The following NELL1 variants were observed in gnomAD, a reference collection of about 807,000 sequenced individuals.
NELL1 encodes neural EGFL like 1, also known as protein kinase C-binding protein NELL1.
In NELL1, 76 loss-of-function variants were observed where a neutral mutation model predicts 107.4. The observed-to-expected ratio is 0.71, with a 90% CI of 0.59 to 0.86. The LOEUF is 0.86. Among genes scored for constraint, NELL1 ranks in the 40% least tolerant of loss-of-function variants. The probability of loss-of-function intolerance (pLI) is 0.00; values close to 1 mark genes in which losing one functional copy is unlikely to be tolerated. For missense variants in NELL1, 1,024 were observed against 1,005.5 expected (o/e 1.02, Z -0.25); for synonymous variants, 353 against 341.2 (o/e 1.03, Z -0.38).
intron 5 of NELL1, among the ~76,000 whole-genome samples, chr11:20,902,081 C>T (rs1590397551): frequency 6.6e-6 from 1 of 152,082 alleles, no homozygotes; most frequent in East Asian, 1.9e-4. Flanking sequence ...AACATAAGAA[C>T]ATATCTTCAC....
chr11:20,950,457 A>G (rs936149499), intron 11 of NELL1, among the ~76,000 whole-genome samples: 1 of 152,084 alleles, frequency 6.6e-6, no homozygotes, highest in Admixed American at 6.6e-5. Context: ...ATCTCTCACA[A>G]TTTTGTGAGA....
chr11:21,296,034 A>G (rs1207334537), intron 14 of NELL1, among the ~76,000 whole-genome samples: 1 of 152,094 alleles, frequency 6.6e-6, no homozygotes, highest in East Asian at 1.9e-4. Context: ...TAGTGCATAC[A>G]CAATAGATGT....
chr11:21,113,525 A>G, intron 12 of NELL1, 64 bp from the exon 13 acceptor site: 1 of 1,490,922 alleles, frequency 6.7e-7, no homozygotes, highest in Non-Finnish European at 9.2e-7. Context: ...TTTATCTGCA[A>G]AATGATTACA....
chr11:21,573,237 A>G lies in NELL1; in HGVS notation c.2210A>G (p.Tyr737Cys). Residue 737 changes from tyrosine (Y) to cysteine (C), a missense_variant, in exon 19 of 20, where the codon TAT becomes TGT. By Grantham distance (194) the Tyr-to-Cys change is radical (BLOSUM62 -2). Coordinates refer to ENST00000357134, the MANE Select transcript of NELL1 (RefSeq NM_006157.5). ...PLTCPNLSCEYTAILEGECCP... is the reference protein window; with the variant it reads ...PLTCPNLSCECTAILEGECCP... ...ACTTGCCCCAACTTGAGCTGTGAGT[A>G]TACAGCTATCTTAGAAGGGGAATGT... 6.2e-7 allele frequency: 1 copy of G among 1,612,404 alleles called. No individual in the cohort carries two copies.
chr11:21,510,024 C>T (rs570389534), intron 15 of NELL1, among the ~76,000 whole-genome samples: 5 of 152,242 alleles, frequency 3.3e-5, no homozygotes, highest in African/African-American at 1.2e-4. Context: ...TGATAACCCA[C>T]GAACTGAAAA....
intron 15 of NELL1, among the ~76,000 whole-genome samples, chr11:21,519,714 G>T (rs74735956): frequency 6.6e-6 from 1 of 151,948 alleles, no homozygotes; most frequent in Non-Finnish European, 1.5e-5. Flanking sequence ...ATGTACAGCC[G>T]CTACCACTCT....
At chr11:21,169,916 T>C (rs1252731127) in intron 13 of NELL1, 24 of 1,461,734 alleles carry the variant, frequency 1.6e-5, no homozygotes, top group Non-Finnish European at 6.7e-6. Flanking sequence ...CACCGATGCC[T>C]TTTATGGCAG....
intron 5 of NELL1, among the ~76,000 whole-genome samples, chr11:20,917,304 A>G (rs1162079619): frequency 6.6e-6 from 1 of 151,910 alleles, no homozygotes; most frequent in Admixed American, 6.6e-5. Flanking sequence ...TTCTATTAAT[A>G]TTTCCAATTA....
intron 2 of NELL1, among the ~76,000 whole-genome samples, chr11:20,747,935 G>C (rs1590256242): frequency 6.6e-6 from 1 of 152,190 alleles, no homozygotes; most frequent in Admixed American, 6.5e-5. Flanking sequence ...TGAAGGAAAA[G>C]CTGGCTGGGG....
chr11:21,484,093 G>T (rs1854566923), intron 15 of NELL1, among the ~76,000 whole-genome samples: 1 of 144,942 alleles, frequency 6.9e-6, no homozygotes, highest in African/African-American at 2.5e-5. Context: ...AATAGTGGTT[G>T]TCTTGAGTAG....
chr11:21,492,367 C>G (rs1041957959), intron 15 of NELL1, among the ~76,000 whole-genome samples: 1 of 152,050 alleles, frequency 6.6e-6, no homozygotes, highest in Admixed American at 6.6e-5. Flanking sequence ...ACTAGAAATA[C>G]CATTTGACCC....
At chr11:20,705,072 A>G (rs1365754564) in intron 2 of NELL1, among the ~76,000 whole-genome samples, 1 of 152,228 alleles carries the variant, frequency 6.6e-6, no homozygotes, top group Non-Finnish European at 1.5e-5. Context: ...AATATCGTGA[A>G]AATGGCCATA....
intron 9 of NELL1, among the ~76,000 whole-genome samples, chr11:20,932,865 A>G (rs144653888): frequency 4.6e-5 from 7 of 152,354 alleles, no homozygotes; most frequent in South Asian, 2.1e-4. Flanking sequence ...TGGAAGACAC[A>G]GAAGTCACAC....
At chr11:21,506,864 A>G (rs1258765947) in intron 15 of NELL1, among the ~76,000 whole-genome samples, 1 of 152,182 alleles carries the variant, frequency 6.6e-6, no homozygotes, top group Non-Finnish European at 1.5e-5. Context: ...TTCCTCCTAG[A>G]AGGGACCTAG....
intron 16 of NELL1, among the ~76,000 whole-genome samples, chr11:21,543,967 T>C (rs538457527): frequency 6.6e-6 from 1 of 152,116 alleles, no homozygotes; most frequent in African/African-American, 2.4e-5. Flanking sequence ...AGATGAGCAG[T>C]AGGGTCTGTC....
chr11:20,749,298 C>T (rs1041321357), intron 2 of NELL1, among the ~76,000 whole-genome samples: 10 of 152,124 alleles, frequency 6.6e-5, no homozygotes, highest in African/African-American at 2.2e-4. Flanking sequence ...TATTTTTTCT[C>T]TTTTAAAAAT....
chr11:20,786,804 C>A (rs184326981), intron 3 of NELL1, among the ~76,000 whole-genome samples: 1 of 151,656 alleles, frequency 6.6e-6, no homozygotes, highest in African/African-American at 2.4e-5. Flanking sequence ...GTCAGGAGAT[C>A]GAGACCATCC....
intron 11 of NELL1, among the ~76,000 whole-genome samples, chr11:20,955,977 T>C (rs1409579281): frequency 1.3e-5 from 2 of 152,086 alleles, no homozygotes; most frequent in African/African-American, 4.8e-5. Flanking sequence ...TCCCAGCACT[T>C]TGGGAGGCTG....
chr11:21,556,590 A>G (rs1856715806), intron 16 of NELL1, among the ~76,000 whole-genome samples: 1 of 151,952 alleles, frequency 6.6e-6, no homozygotes, highest in African/African-American at 2.4e-5. Context: ...TTACATGCCC[A>G]AGTAACCTAA....
Sources: allele counts gnomAD v4.1 joint callset (sites outside exome capture counted in the v4.1 genomes callset), GRCh38; gene constraint gnomAD v4.1.1; transcripts MANE v1.5; gene names NCBI Gene and HGNC (gene_info 2026-07-23, HGNC 2026-07-21).